NFIA: variants seen among roughly 807,000 people sequenced by gnomAD.
NFIA encodes the protein nuclear factor 1 A-type.
Under a neutral mutation model 62.8 loss-of-function variants are expected in NFIA, and 8 were observed. The observed-to-expected ratio is 0.13, with a 90% CI of 0.07 to 0.23. The LOEUF is 0.23. NFIA is among the 10% of genes least tolerant of loss of function. The pLI is 1.00. For missense variants in NFIA, 410 were observed against 642.1 expected (o/e 0.64, Z 3.91); for synonymous variants, 235 against 238.1 (o/e 0.99, Z 0.12).
intron 6 of NFIA, among the ~76,000 whole-genome samples, chr1:61,373,013 A>T (rs1185680037): frequency 6.6e-6 from 1 of 152,142 alleles, no homozygotes; most frequent in Admixed American, 6.6e-5. Flanking sequence ...CACTACCTTT[A>T]AAAAAATTCA....
intron 2 of NFIA, among the ~76,000 whole-genome samples, chr1:61,214,866 C>T (rs1340932342): frequency 6.6e-6 from 1 of 152,158 alleles, no homozygotes; most frequent in Non-Finnish European, 1.5e-5. Context: ...CTTGCTAAAA[C>T]CAGCACCATT....
chr1:61,461,951 T>C lies in NFIA; in HGVS notation c.*6631T>C, dbSNP rs1396491729. ...AATGAAAAAAGCTTTTATTTTTCCT[T>C]TGACTTATTTGTGTTGTTCTTATTT... On this transcript the variant is annotated 3_prime_UTR_variant, in exon 11 of 11. Coordinates refer to ENST00000403491, the MANE Select transcript of NFIA (RefSeq NM_001134673.4). 6.6e-6 allele frequency: 1 copy of C among 152,048 alleles called. No homozygotes were observed. Among genetic ancestry groups the C allele is most frequent in the Non-Finnish European group, 1.5e-5 (1 of 68,018 alleles). The allele number at this position is 152,048 out of a possible 1,614,324, so 9.4% of individuals were successfully genotyped here.
intron 4 of NFIA, among the ~76,000 whole-genome samples, chr1:61,334,471 T>C (rs959908038): frequency 1.3e-5 from 2 of 149,934 alleles, no homozygotes; most frequent in African/African-American, 4.9e-5. Flanking sequence ...ACAATAAATA[T>C]CTCACATTTT....
intron 2 of NFIA, among the ~76,000 whole-genome samples, chr1:61,090,710 C>T (rs916598720): frequency 2.6e-5 from 4 of 152,126 alleles, no homozygotes; most frequent in Admixed American, 6.6e-5. Flanking sequence ...GACTACTCTT[C>T]GGTTTGGTTT....
intron 2 of NFIA, among the ~76,000 whole-genome samples, chr1:61,161,759 A>T (rs334715): frequency 6.6e-6 from 1 of 151,950 alleles, no homozygotes. Flanking sequence ...ACACACACAC[A>T]CCCCTCTATA....
At chr1:61,081,657 G>A (rs1361038919), upstream of NFIA, 7 of 480,550 alleles carry the variant, frequency 1.5e-5, no homozygotes, top group Non-Finnish European at 2.7e-5. Flanking sequence ...TCACAGTCCT[G>A]GGAGGGATAA....
At chr1:61,152,005 C>A (rs1462638780) in intron 2 of NFIA, among the ~76,000 whole-genome samples, 1 of 152,284 alleles carries the variant, frequency 6.6e-6, no homozygotes, top group African/African-American at 2.4e-5. Context: ...GGTTCCATAA[C>A]ACTGTGATAA....
intron 5 of NFIA, among the ~76,000 whole-genome samples, chr1:61,357,758 A>C (rs1022484403): frequency 1.3e-5 from 2 of 152,156 alleles, no homozygotes; most frequent in South Asian, 4.1e-4. Flanking sequence ...TAGGATGCGC[A>C]CAGTAGGTAT....
At chr1:61,314,694 C>T (rs1201607633) in intron 3 of NFIA, among the ~76,000 whole-genome samples, 1 of 152,106 alleles carries the variant, frequency 6.6e-6, no homozygotes, top group African/African-American at 2.4e-5. Context: ...ATCCTTGTTG[C>T]CCCCCATAAA....
At chr1:61,248,812 A>G (rs1055554003) in intron 2 of NFIA, 1 of 152,256 alleles carries the variant, frequency 6.6e-6, no homozygotes. Flanking sequence ...CCAATTCCAC[A>G]TAACGCCTAT....
At chr1:61,432,658 T>C (rs535019826) in intron 10 of NFIA, among the ~76,000 whole-genome samples, 2 of 148,458 alleles carry the variant, frequency 1.3e-5, no homozygotes, top group African/African-American at 5.0e-5. Context: ...TATATACATA[T>C]ATATACAGAG....
chr1:61,164,521 G>A (rs1004562349), intron 2 of NFIA, among the ~76,000 whole-genome samples: 6 of 151,904 alleles, frequency 3.9e-5, no homozygotes, highest in Admixed American at 1.3e-4. Context: ...GTGCAGTGGC[G>A]TGATCTCAGC....
intron 2 of NFIA, among the ~76,000 whole-genome samples, chr1:61,149,320 G>C (rs1021264238): frequency 1.3e-5 from 2 of 152,024 alleles, no homozygotes; most frequent in Non-Finnish European, 1.5e-5. Flanking sequence ...TTTTCCTTTT[G>C]CTTTACAATA....
intron 2 of NFIA, among the ~76,000 whole-genome samples, chr1:61,145,610 G>T (rs1647864696): frequency 6.6e-6 from 1 of 152,136 alleles, no homozygotes; most frequent in Non-Finnish European, 1.5e-5. Context: ...TTCACACATG[G>T]GCATGTGTGT....
intron 3 of NFIA, among the ~76,000 whole-genome samples, chr1:61,285,100 A>G (rs1294363610): frequency 6.6e-6 from 1 of 152,222 alleles, no homozygotes; most frequent in Non-Finnish European, 1.5e-5. Flanking sequence ...ATCAAATCAC[A>G]GTGCGGTAGA....
intron 9 of NFIA, among the ~76,000 whole-genome samples, chr1:61,408,200 T>C (rs1163298015): frequency 6.6e-6 from 1 of 150,776 alleles, no homozygotes; most frequent in African/African-American, 2.5e-5. Context: ...CCTACTTCTC[T>C]TGGTAAGAGG....
intron 2 of NFIA, among the ~76,000 whole-genome samples, chr1:61,108,424 G>C (rs540687410): frequency 6.6e-6 from 1 of 151,496 alleles, no homozygotes; most frequent in Admixed American, 6.6e-5. Flanking sequence ...CAGTTACTTT[G>C]TGTATAGTGA....
chr1:61,390,185 C>T (rs1279957421), intron 7 of NFIA, among the ~76,000 whole-genome samples: 1 of 152,104 alleles, frequency 6.6e-6, no homozygotes, highest in Non-Finnish European at 1.5e-5. Flanking sequence ...GAGACCCAAC[C>T]GCTATTGTCA....
intron 2 of NFIA, among the ~76,000 whole-genome samples, chr1:61,222,029 TG>T (rs1197340675): frequency 6.6e-6 from 1 of 152,158 alleles, no homozygotes; most frequent in African/African-American, 2.4e-5. Flanking sequence ...ACAACATTTT[TG>T]TTCACAAATT....
Sources: gnomAD v4.1 joint callset for allele counts (sites outside exome capture counted in the v4.1 genomes callset) on GRCh38, gnomAD v4.1.1 for gene constraint, MANE v1.5 for transcripts, NCBI Gene and HGNC (gene_info 2026-07-23, HGNC 2026-07-21) for gene names.